The following CNGA2 variants were observed in gnomAD, a reference collection of about 807,000 sequenced individuals.
The protein encoded by CNGA2 is cyclic nucleotide-gated channel alpha-2.
Under a neutral mutation model 35.9 loss-of-function variants are expected in CNGA2, and 22 were observed. The ratio of observed to expected loss-of-function variants is 0.61; its 90% CI spans 0.44 to 0.88. CNGA2 has a LOEUF of 0.88. Among genes scored for constraint, CNGA2 ranks in the 40% least tolerant of loss-of-function variants. The pLI is 0.00. For missense variants in CNGA2, 555 were observed against 530.8 expected, an observed-to-expected ratio of 1.05 and a Z score of -0.45; for synonymous variants, 217 against 209.2, an observed-to-expected ratio of 1.04 and a Z score of -0.32.
In CNGA2 at chrX:151,738,909, C is replaced by T. The variant is rs1407597025; in HGVS notation, c.203+30C>T. 2.7e-6 allele frequency: 3 copies of T among 1,097,360 alleles called. No individual in the cohort carries two copies. In the African/African-American group the frequency reaches 5.5e-5, roughly 20 times the overall value. 90.4% of individuals were successfully genotyped at this position (1,097,360 alleles called of 1,213,427 possible). On this transcript the variant is annotated intron_variant, in intron 3 of 6. Transcript: ENST00000329903. The stretch of plus-strand genomic sequence containing the variant: ...GTCCCACCACTACCCTGCTGCTTCC[C>T]CTTCCTGTGCATGGAGCCTGTCAGG...
At chrX:151,739,953 C>T (rs1030422361) in intron 4 of CNGA2, among the ~76,000 whole-genome samples, 1 of 112,474 alleles carries the variant, frequency 8.9e-6, no homozygotes, top group African/African-American at 3.2e-5. Flanking sequence ...TGTCTTTTCT[C>T]GCCTTAGTTG....
chrX:151,739,703 C>T lies in CNGA2; in HGVS notation c.345C>T (p.Gly115=), dbSNP rs778685130. The change falls in exon 4 of 7, where the codon GGC becomes GGT. Residue 115 remains glycine, a synonymous_variant. Transcript: ENST00000329903. The stretch of plus-strand genomic sequence containing the variant: ...CCACACAGGAGGGGGATGGCAAAGG[C>T]GACAAGGATGGCGAGGACAAAGGCA... ...TVTTQEGDGK[G]DKDGEDKGTK... is the part of the protein sequence containing the mutation. 14 of 1,209,543 alleles carry T rather than the reference C, an allele frequency of 1.2e-5. No homozygotes were observed. Among genetic ancestry groups the T allele is most frequent in the South Asian group, 3.5e-5 (2 of 56,708 alleles).
chrX:151,736,418 A>G (rs2015248315), intron 1 of CNGA2, among the ~76,000 whole-genome samples: 2 of 111,710 alleles, frequency 1.8e-5, no homozygotes, highest in Non-Finnish European at 3.8e-5. Context: ...TGTGGGGACA[A>G]TCTACTCAGG....
intron 1 of CNGA2, among the ~76,000 whole-genome samples, chrX:151,737,348 C>A (rs887176701): frequency 8.9e-6 from 1 of 112,274 alleles, no homozygotes; most frequent in African/African-American, 3.2e-5. Context: ...GTTACCTCCT[C>A]GGCTGTTCCT....
intron 3 of CNGA2, 43 bp from the exon 4 acceptor site, chrX:151,739,519 T>A: frequency 8.5e-7 from 1 of 1,174,400 alleles, no homozygotes. Context: ...CTGAACAGCA[T>A]GAGTCTTGGC....
At chrX:151,735,118 T>A (rs994317096) in intron 1 of CNGA2, among the ~76,000 whole-genome samples, 175 bp downstream of exon 1, 9 of 112,216 alleles carry the variant, frequency 8.0e-5, no homozygotes, top group Non-Finnish European at 1.5e-4. Flanking sequence ...CTGGTTTTTC[T>A]TTAAAGTCCT....
rs968385858 is a variant in CNGA2 at position 151,743,994 on chromosome X, C to A, written c.1491C>A (p.Gly497=). 5.2e-5 allele frequency: 63 copies of A among 1,209,467 alleles called. No individual in the cohort carries two copies. Among genetic ancestry groups the A allele is most frequent in the Non-Finnish European group, 6.5e-5 (58 of 895,175 alleles). The change falls in exon 7 of 7, where the codon GGC becomes GGA. Residue 497 remains glycine (G), a synonymous_variant. Coordinates refer to ENST00000329903, the MANE Select transcript of CNGA2 (RefSeq NM_005140.3). ...AGGAGATGTACATCATTAAGGAGGG[C>A]AAACTGGCAGTGGTGGCTGATGATG... is the stretch of plus-strand genomic sequence containing the variant. ...IGKEMYIIKE[G]KLAVVADDGV...
intron 6 of CNGA2, 84 bp from the exon 7 acceptor site, chrX:151,743,005 TACAC>T (rs758741001): frequency 2.4e-4 from 17 of 71,972 alleles, no homozygotes; most frequent in East Asian, 8.8e-4. Flanking sequence ...TATATATATA[TACAC>T]ATATATATGT....
chrX:151,743,207 A>AT lies in CNGA2; in HGVS notation c.708dup (p.Ala237CysfsTer8). On this transcript the variant is annotated frameshift_variant, in exon 7 of 7. Coordinates refer to ENST00000329903, the MANE Select transcript of CNGA2 (RefSeq NM_005140.3). LOFTEE classifies it high-confidence loss of function. ...TCCATCATCCCCACTGACCTGATCT[A>AT]TTTTGCTGTGGACATCCACAGCCCT... 8.3e-7 allele frequency: 1 copy of AT among 1,204,822 alleles called. No individual in the cohort carries two copies. The highest frequency in any genetic ancestry group is 1.1e-6 in the Non-Finnish European group (1 of 893,902).
intron 6 of CNGA2, among the ~76,000 whole-genome samples, 133 bp from the exon 7 acceptor site, chrX:151,742,940 ATGTATATGTATATATATATG>A (rs1569428264): frequency 1.3e-4 from 10 of 74,680 alleles, no homozygotes; most frequent in South Asian, 7.2e-4. Context: ...ATATATATAT[ATGTATATGTATATATATATG>A]TATATATATA....
chrX:151,742,173 C>T (rs1326438516), intron 5 of CNGA2, among the ~76,000 whole-genome samples: 1 of 112,357 alleles, frequency 8.9e-6, no homozygotes, highest in Non-Finnish European at 1.9e-5. Context: ...GTTTATTCTT[C>T]CAATGACTTG....
At chrX:151,740,513 G>A (rs759731985) in intron 4 of CNGA2, among the ~76,000 whole-genome samples, 1 of 112,294 alleles carries the variant, frequency 8.9e-6, no homozygotes, top group South Asian at 3.8e-4. Context: ...CCCTTGACAT[G>A]CCCTCTGGGC....
In CNGA2 at chrX:151,744,872, T is replaced by C; in HGVS notation, c.*374T>C. 5.5e-6 allele frequency: 1 copy of C among 181,584 alleles called. No homozygotes were observed. Among genetic ancestry groups the C allele is most frequent in the Admixed American group, 6.8e-5 (1 of 14,701 alleles). The allele number at this position is 181,584 out of a possible 1,213,427, so 15.0% of individuals were successfully genotyped here. A position where few individuals can be genotyped will look rare whatever the true frequency, so the allele number is the denominator to read the frequency against. On this transcript the variant is annotated 3_prime_UTR_variant, in exon 7 of 7. Transcript: ENST00000329903. ...TGCTTCCTTTTTCCCTGCACACGCA[T>C]GTACTTCGAGCACCGACTATAGACA...
At chrX:151,737,337 T>C (rs1569427401) in intron 1 of CNGA2, among the ~76,000 whole-genome samples, 1 of 112,320 alleles carries the variant, frequency 8.9e-6, no homozygotes, top group Non-Finnish European at 1.9e-5. Context: ...TCCTCTAGAT[T>C]GTTACCTCCT....
intron 1 of CNGA2, among the ~76,000 whole-genome samples, chrX:151,737,016 G>T (rs149585914): frequency 9.0e-6 from 1 of 111,724 alleles, no homozygotes. Flanking sequence ...AAGTGCCCTC[G>T]TTACTATCCT....
chrX:151,742,458 C>A, intron 5 of CNGA2, 78 bp from the exon 6 acceptor site: 1 of 732,439 alleles, frequency 1.4e-6, no homozygotes, highest in Non-Finnish European at 2.1e-6. Context: ...GCCCTGCACA[C>A]AGTGAACACT....
In CNGA2 at chrX:151,741,128, TG is replaced by T. The variant is rs199665473; in HGVS notation, c.482+228del. On this transcript the variant is annotated intron_variant, in intron 5 of 6. Coordinates refer to ENST00000329903, the MANE Select transcript of CNGA2 (RefSeq NM_005140.3). ...GCATCCTCCACATTTGCAACAAACA[TG>T]CTTGATAGCAAACTAGGATTTGGTG... is the stretch of plus-strand genomic sequence containing the variant. 7.7e-3 allele frequency among the ~76,000 whole-genome samples: 864 copies of T among 112,356 alleles called. 8 individuals carry two copies. The highest frequency in any genetic ancestry group is 0.027 in the African/African-American group (827 of 30,893).
intron 6 of CNGA2, among the ~76,000 whole-genome samples, 168 bp from the exon 7 acceptor site, chrX:151,742,925 G>GATATATATATATATATATATAT (rs34829464): frequency 3.3e-5 from 2 of 61,442 alleles, no homozygotes; most frequent in African/African-American, 2.0e-4. Flanking sequence ...TATAGGGAAG[G>GATATATATATATATATATATAT]ATATATATAT....
Position 151,738,450 on chromosome X carries a change from C to G in CNGA2, c.-26-8C>G, listed in dbSNP as rs1431665369. On this transcript the variant is annotated splice_region_variant and splice_polypyrimidine_tract_variant and intron_variant, in intron 1 of 6. Coordinates refer to ENST00000329903, the MANE Select transcript of CNGA2 (RefSeq NM_005140.3). ...CTGTGACCTTCTTCTTGGCCCTCTT[C>G]CTGGCAGATAAGTGCTCTGGTTGTA... 1 of 1,128,670 alleles carries G rather than the reference C, an allele frequency of 8.9e-7. No individual in the cohort carries two copies. Among genetic ancestry groups the G allele is most frequent in the Non-Finnish European group, 1.2e-6 (1 of 823,881 alleles). 93.0% of individuals were successfully genotyped at this position (1,128,670 alleles called of 1,213,427 possible).
Sources: gnomAD v4.1 joint callset for allele counts (sites outside exome capture counted in the v4.1 genomes callset) on GRCh38, gnomAD v4.1.1 for gene constraint, MANE v1.5 for transcripts, NCBI Gene and HGNC (gene_info 2026-07-23, HGNC 2026-07-21) for gene names.